STK33: variants seen among roughly 807,000 people sequenced by gnomAD.
STK33 encodes the protein serine/threonine kinase 33.
Under a neutral mutation model 58.0 loss-of-function variants are expected in STK33, and 52 were observed. That is an observed-to-expected ratio of 0.90 (90% CI 0.72 to 1.13). The LOEUF (loss-of-function observed/expected upper bound fraction) is 1.13. STK33 is among the 50% of genes most tolerant of loss of function. The pLI, the probability that STK33 is intolerant of heterozygous loss-of-function variation, is 0.00. For synonymous variants in STK33, 215 were observed against 200.1 expected, an observed-to-expected ratio of 1.07 and a Z score of -0.63; for missense variants, 630 against 604.2, an observed-to-expected ratio of 1.04 and a Z score of -0.45.
intron 1 of STK33, among the ~76,000 whole-genome samples, chr11:8,512,191 C>T (rs901598196): frequency 6.6e-6 from 1 of 152,110 alleles, no homozygotes; most frequent in Non-Finnish European, 1.5e-5. Context: ...ACTAAGTTTT[C>T]CTTGCTACTT....
At chr11:8,402,757 C>T (rs1411305134) in intron 15 of STK33, among the ~76,000 whole-genome samples, 1 of 152,210 alleles carries the variant, frequency 6.6e-6, no homozygotes, top group Non-Finnish European at 1.5e-5. Context: ...AGCCAAGCCT[C>T]TTAGTTCCTG....
intron 1 of STK33, among the ~76,000 whole-genome samples, chr11:8,580,234 A>T (rs868015756): frequency 6.6e-6 from 1 of 152,174 alleles, no homozygotes; most frequent in African/African-American, 2.4e-5. Context: ...ATCAATAGAT[A>T]AATGGATAAA....
the STK33 span, among the ~76,000 whole-genome samples, chr11:8,376,715 G>A: frequency 3.3e-5 from 5 of 151,784 alleles, no homozygotes; most frequent in African/African-American, 9.7e-5. Flanking sequence ...CCAGTTTTTT[G>A]TATTTTTAGT....
chr11:8,432,621 CATAGAAACTTT>C lies in STK33; in HGVS notation c.1146+2862_1146+2872del, dbSNP rs1282930875. 2.1e-4 allele frequency among the ~76,000 whole-genome samples: 32 copies of C among 152,240 alleles called. No individual in the cohort carries two copies. The South Asian group carries it at 4.6e-3, about 22-fold the overall frequency. ...AAAATGCACAGTACATAGGCTAAAC[CATAGAAACTTT>C]ATAGAAAAATGTTACTATGTGTTAG... On this transcript the variant is annotated intron_variant, in intron 14 of 15. Coordinates refer to ENST00000687296, the MANE Select transcript of STK33 (RefSeq NM_001352389.2).
rs191773627 is a variant in STK33 at position 8,520,008 on chromosome 11, C to T, written c.-465-39394G>A. ...GCTCATTTTATGAGGCCAGCATCAT[C>T]CTGATACCAAAGCCTGGCAGAGACA... On this transcript the variant is annotated intron_variant, in intron 1 of 15. Coordinates refer to ENST00000687296, the MANE Select transcript of STK33 (RefSeq NM_001352389.2). 1.7e-3 allele frequency among the ~76,000 whole-genome samples: 260 copies of T among 152,270 alleles called. 1 individual carries two copies. Among genetic ancestry groups the T allele is most frequent in the African/African-American group, 6.1e-3 (253 of 41,548 alleles).
At chr11:8,518,673 C>A (rs1017916313) in intron 1 of STK33, among the ~76,000 whole-genome samples, 41 of 152,044 alleles carry the variant, frequency 2.7e-4, no homozygotes, top group African/African-American at 9.6e-4. Context: ...AAAACAAAAA[C>A]AAAGCAGGGG....
chr11:8,510,657 T>G (rs1324559216), intron 1 of STK33, among the ~76,000 whole-genome samples: 4 of 152,148 alleles, frequency 2.6e-5, no homozygotes, highest in Admixed American at 6.5e-5. Flanking sequence ...AGTCTTTGAT[T>G]CATCTTGAGT....
At chr11:8,414,527 T>G (rs1940828398) in intron 14 of STK33, among the ~76,000 whole-genome samples, 1 of 152,130 alleles carries the variant, frequency 6.6e-6, no homozygotes, top group African/African-American at 2.4e-5. Flanking sequence ...GGTATATGGA[T>G]GTATTGAAAT....
chr11:8,445,310 T>A (rs1249855191), intron 11 of STK33, among the ~76,000 whole-genome samples: 2 of 152,216 alleles, frequency 1.3e-5, no homozygotes, highest in African/African-American at 4.8e-5. Context: ...AGATATACAA[T>A]CATGTCATCT....
At chr11:8,542,775 C>T (rs868148766) in intron 1 of STK33, among the ~76,000 whole-genome samples, 2 of 152,104 alleles carry the variant, frequency 1.3e-5, no homozygotes, top group East Asian at 1.9e-4. Context: ...TGCAGTGGCA[C>T]GATCTCGGCT....
At chr11:8,522,290 C>T (rs567513141) in intron 1 of STK33, among the ~76,000 whole-genome samples, 236 of 152,282 alleles carry the variant, frequency 1.5e-3, no homozygotes, top group African/African-American at 5.1e-3. Context: ...GAATACTATG[C>T]AGCCATAAAA....
At chr11:8,363,033 G>A in the STK33 span, among the ~76,000 whole-genome samples, 10 of 152,320 alleles carry the variant, frequency 6.6e-5, no homozygotes, top group Admixed American at 6.5e-4. Context: ...GGGTGAGCTT[G>A]GGCTCCAGGG....
chr11:8,539,644 G>C (rs960639126), intron 1 of STK33, among the ~76,000 whole-genome samples: 1 of 152,132 alleles, frequency 6.6e-6, no homozygotes, highest in Non-Finnish European at 1.5e-5. Context: ...AAGATTCGAA[G>C]AATCTACCTG....
At chr11:8,349,614 A>C in the STK33 span, among the ~76,000 whole-genome samples, 16 of 152,204 alleles carry the variant, frequency 1.1e-4, no homozygotes, top group African/African-American at 3.9e-4. Flanking sequence ...GGAACTGCTG[A>C]GCCAGTTGTC....
the STK33 span, among the ~76,000 whole-genome samples, chr11:8,352,529 T>A: frequency 1.3e-5 from 2 of 152,052 alleles, no homozygotes; most frequent in Non-Finnish European, 2.9e-5. Flanking sequence ...AGCAGGGGTG[T>A]CGATCAGAAT....
chr11:8,428,521 A>C (rs1390698729), intron 14 of STK33, among the ~76,000 whole-genome samples: 1 of 152,212 alleles, frequency 6.6e-6, no homozygotes. Context: ...TCTTCAGAGA[A>C]GACACAGTAT....
chr11:8,496,307 G>A (rs1231739549), intron 1 of STK33, among the ~76,000 whole-genome samples: 7 of 152,074 alleles, frequency 4.6e-5, no homozygotes, highest in Non-Finnish European at 1.0e-4. Context: ...CTAATGCTGT[G>A]TATTGTGTGC....
intron 10 of STK33, among the ~76,000 whole-genome samples, chr11:8,454,357 A>G (rs566962104): frequency 6.6e-6 from 1 of 152,300 alleles, no homozygotes; most frequent in African/African-American, 2.4e-5. Context: ...AATTTTCAAT[A>G]AGAAATACAG....
chr11:8,556,723 A>G (rs953115895), intron 1 of STK33, among the ~76,000 whole-genome samples: 18 of 152,200 alleles, frequency 1.2e-4, no homozygotes, highest in African/African-American at 4.3e-4. Context: ...CTAATTAATT[A>G]AAGTCTATTT....
Sources: allele counts gnomAD v4.1 joint callset (sites outside exome capture counted in the v4.1 genomes callset), GRCh38; gene constraint gnomAD v4.1.1; transcripts MANE v1.5; gene names NCBI Gene and HGNC (gene_info 2026-07-23, HGNC 2026-07-21).